Variants in TYW1 observed in about 807,000 individuals in gnomAD.
TYW1 encodes S-adenosyl-L-methionine-dependent tRNA 4-demethylwyosine synthase TYW1.
Under a neutral mutation model 96.2 loss-of-function variants are expected in TYW1, and 46 were observed. That is an observed-to-expected ratio of 0.48 (90% CI 0.38 to 0.61). TYW1 has a LOEUF of 0.61. Among genes scored for constraint, TYW1 ranks in the 20% least tolerant of loss-of-function variants. The pLI, the probability that TYW1 is intolerant of heterozygous loss-of-function variation, is 0.00. For missense variants in TYW1, 684 were observed against 909.6 expected (o/e 0.75, Z 3.19); for synonymous variants, 274 against 323.0 (o/e 0.85, Z 1.63).
chr7:67,009,438 G>A, intron 3 of TYW1, 145 bp from the exon 4 acceptor site: 1 of 675,970 alleles, frequency 1.5e-6, no homozygotes, highest in Non-Finnish European at 2.5e-6. Context: ...TAAGAGTGAG[G>A]ATAGAATTTG....
At chr7:67,109,292 A>AG (rs1014113442) in intron 12 of TYW1, among the ~76,000 whole-genome samples, 14 of 148,176 alleles carry the variant, frequency 9.4e-5, no homozygotes, top group African/African-American at 2.4e-4. Context: ...AAAAAAAAAA[A>AG]AAAGAAAGAA....
intron 9 of TYW1, among the ~76,000 whole-genome samples, chr7:67,057,396 G>A (rs775588782): frequency 3.6e-4 from 54 of 151,098 alleles, no homozygotes; most frequent in African/African-American, 1.3e-3. Context: ...TCGAGACAGA[G>A]TCTCGTTGTC....
chr7:67,205,821 C>T (rs573430549), intron 15 of TYW1, among the ~76,000 whole-genome samples: 22 of 151,676 alleles, frequency 1.5e-4, no homozygotes, highest in Non-Finnish European at 1.3e-4. Flanking sequence ...AATAATTGTC[C>T]GCAGCCATTG....
chr7:67,156,088 CAGT>C (rs1410400172), intron 13 of TYW1, among the ~76,000 whole-genome samples: 3 of 152,096 alleles, frequency 2.0e-5, no homozygotes, highest in Non-Finnish European at 4.4e-5. Context: ...AGGCACCAGT[CAGT>C]GGTGGTGGCA....
intron 13 of TYW1, among the ~76,000 whole-genome samples, chr7:67,179,847 ATATATATATATATATATATTTTTTTTTT>A (rs1799779754): frequency 1.2e-5 from 1 of 82,578 alleles, no homozygotes; most frequent in Non-Finnish European, 2.6e-5. Flanking sequence ...ATCATTAGGA[ATATATATATATATATATATTTTTTTTTT>A]TTGGCGGGGG....
intron 15 of TYW1, among the ~76,000 whole-genome samples, chr7:67,206,819 C>T (rs866732686): frequency 5.9e-5 from 9 of 152,124 alleles, no homozygotes; most frequent in South Asian, 4.2e-4. Flanking sequence ...TTGTTTATGC[C>T]GCTAATTCCA....
At chr7:67,230,652 C>CTTTTTTTTT (rs34585182) in intron 15 of TYW1, among the ~76,000 whole-genome samples, 8,949 of 118,054 alleles carry the variant, frequency 0.076, 516 homozygotes, top group African/African-American at 0.12. Flanking sequence ...CTTATTATCT[C>CTTTTTTTTT]TTTTTTTTTT....
chr7:67,188,130 G>A (rs576755629), intron 14 of TYW1, among the ~76,000 whole-genome samples: 1 of 152,276 alleles, frequency 6.6e-6, no homozygotes, highest in South Asian at 2.1e-4. Flanking sequence ...AGACCAGCCT[G>A]GCCACATGGT....
Position 67,014,490 on chromosome 7 carries a change from A to T in TYW1, c.499A>T (p.Thr167Ser), listed in dbSNP as rs1488534077. ...EASIDFRFGK[T>S]YLKGMRYAVF... is the part of the protein sequence containing the mutation. ...ATCCATTGATTTTCGATTTGGCAAA[A>T]CTTACCTGAAGGGTATGAGATATGC... The change falls in exon 5 of 16, where the codon ACT becomes TCT. Residue 167 changes from threonine to serine, a missense_variant. Transcript: ENST00000359626. 6.2e-7 allele frequency: 1 copy of T among 1,613,916 alleles called. No homozygotes were observed. The highest frequency in any genetic ancestry group is 8.5e-7 in the Non-Finnish European group (1 of 1,179,848).
intron 13 of TYW1, among the ~76,000 whole-genome samples, chr7:67,170,962 T>C (rs1799496810): frequency 7.2e-6 from 1 of 138,756 alleles, no homozygotes; most frequent in South Asian, 2.3e-4. Flanking sequence ...GTGTTTCCTC[T>C]GCTATTTTTT....
intron 13 of TYW1, among the ~76,000 whole-genome samples, chr7:67,135,620 T>G (rs1001751899): frequency 1.3e-5 from 2 of 151,934 alleles, no homozygotes; most frequent in African/African-American, 4.8e-5. Context: ...TTTTTTTTTT[T>G]TTTAAAGCCT....
intron 15 of TYW1, among the ~76,000 whole-genome samples, chr7:67,196,651 C>T (rs1247233504): frequency 6.6e-6 from 1 of 151,426 alleles, no homozygotes; most frequent in African/African-American, 2.4e-5. Context: ...TCACAGCCTT[C>T]TCTCCCTCTA....
chr7:67,098,607 T>G lies in TYW1; in HGVS notation c.1451T>G (p.Leu484Arg). The G allele has an allele frequency of 6.2e-7, 1 of 1,613,688 alleles. No homozygotes were observed. The change falls in exon 12 of 16, where the codon CTC becomes CGC. Residue 484 changes from leucine (L) to arginine (R), a missense_variant. Transcript: ENST00000359626. ...ACGGTAAAGCACTGTGCATTGTCCCTCGTGGGAGAACCAATAATGTACCCA... is the reference window on the plus strand; with the variant it reads ...ACGGTAAAGCACTGTGCATTGTCCCGCGTGGGAGAACCAATAATGTACCCA... ...GMTVKHCALS[L>R]VGEPIMYPEI...
At chr7:67,037,310 T>C (rs1303147954) in intron 7 of TYW1, among the ~76,000 whole-genome samples, 1 of 152,020 alleles carries the variant, frequency 6.6e-6, no homozygotes, top group Non-Finnish European at 1.5e-5. Flanking sequence ...GAGACCAGCC[T>C]GACCACCATG....
At chr7:67,225,105 C>T (rs1801515109) in intron 15 of TYW1, among the ~76,000 whole-genome samples, 2 of 148,336 alleles carry the variant, frequency 1.3e-5, no homozygotes, top group Non-Finnish European at 1.5e-5. Flanking sequence ...GCTGGAAAAT[C>T]ACTTGAACCC....
intron 15 of TYW1, among the ~76,000 whole-genome samples, chr7:67,236,058 T>C (rs1271493823): frequency 6.6e-5 from 10 of 151,850 alleles, no homozygotes; most frequent in Non-Finnish European, 1.5e-4. Flanking sequence ...TCTGCGGAAG[T>C]TCAAGACAGT....
intron 15 of TYW1, among the ~76,000 whole-genome samples, chr7:67,236,942 G>T (rs1414441598): frequency 6.6e-6 from 1 of 152,082 alleles, no homozygotes; most frequent in East Asian, 1.9e-4. Context: ...CTAGAGTGCA[G>T]TGGCACTGTC....
chr7:67,238,053 AACTTG>A (rs906399168), intron 15 of TYW1, among the ~76,000 whole-genome samples: 6 of 151,774 alleles, frequency 4.0e-5, no homozygotes, highest in Admixed American at 6.6e-5. Flanking sequence ...GCTTGAGATA[AACTTG>A]ACTTGTCTTC....
chr7:67,113,800 G>A (rs1176233116), intron 12 of TYW1, among the ~76,000 whole-genome samples: 2 of 151,900 alleles, frequency 1.3e-5, no homozygotes, highest in African/African-American at 4.8e-5. Context: ...ACCATGCCTG[G>A]CTAATTTTTG....
Sources: gnomAD v4.1 joint callset for allele counts (sites outside exome capture counted in the v4.1 genomes callset) on GRCh38, gnomAD v4.1.1 for gene constraint, MANE v1.5 for transcripts, NCBI Gene and HGNC (gene_info 2026-07-23, HGNC 2026-07-21) for gene names.